Variants in DLGAP1 observed in about 807,000 individuals in gnomAD.
DLGAP1 encodes disks large-associated protein 1.
Under a neutral mutation model 90.8 loss-of-function variants are expected in DLGAP1, and 11 were observed. That is an observed-to-expected ratio of 0.12 (90% confidence interval 0.08 to 0.20). The LOEUF is 0.20. DLGAP1 is among the 10% of genes least tolerant of loss of function. The pLI is 1.00. For missense variants in DLGAP1, 1,050 were observed against 1,333.8 expected (o/e 0.79, Z 3.31); for synonymous variants, 558 against 540.7 (o/e 1.03, Z -0.44).
At chr18:4,375,131 T>C (rs1273451988) in intron 1 of DLGAP1, among the ~76,000 whole-genome samples, 1 of 152,160 alleles carries the variant, frequency 6.6e-6, no homozygotes, top group African/African-American at 2.4e-5. Context: ...TCTTCTTTCT[T>C]CTACCTTTTA....
chr18:3,733,610 A>G (rs752943807), intron 6 of DLGAP1, among the ~76,000 whole-genome samples: 6 of 152,180 alleles, frequency 3.9e-5, no homozygotes, highest in Admixed American at 6.5e-5. Flanking sequence ...CAATGGGTCT[A>G]TCAGGGATGT....
At chr18:4,177,012 C>T (rs1490170428) in intron 1 of DLGAP1, among the ~76,000 whole-genome samples, 2 of 152,136 alleles carry the variant, frequency 1.3e-5, no homozygotes, top group Non-Finnish European at 2.9e-5. Flanking sequence ...GGTGCTGCCC[C>T]AGGTCAGCAG....
At chr18:4,004,631 CT>C (rs2074263821) in intron 3 of DLGAP1, among the ~76,000 whole-genome samples, 1 of 152,172 alleles carries the variant, frequency 6.6e-6, no homozygotes, top group Admixed American at 6.5e-5. Flanking sequence ...CGTCTCTATT[CT>C]ATTAATTTCA....
chr18:3,712,021 G>A (rs1024226776), intron 7 of DLGAP1, among the ~76,000 whole-genome samples: 5 of 152,032 alleles, frequency 3.3e-5, no homozygotes, highest in Admixed American at 2.6e-4. Flanking sequence ...TTTTTGTGAC[G>A]ATCACACTGA....
chr18:3,898,867 T>C (rs1426770187), intron 3 of DLGAP1, among the ~76,000 whole-genome samples: 1 of 151,930 alleles, frequency 6.6e-6, no homozygotes, highest in African/African-American at 2.4e-5. Flanking sequence ...GACATGTACA[T>C]AGGCTGACTA....
At chr18:4,017,404 T>C (rs974141039) in intron 2 of DLGAP1, among the ~76,000 whole-genome samples, 2 of 152,232 alleles carry the variant, frequency 1.3e-5, no homozygotes, top group African/African-American at 4.8e-5. Context: ...CTTCATATCC[T>C]GTTTTCCCTG....
intron 1 of DLGAP1, among the ~76,000 whole-genome samples, chr18:4,301,899 A>AT (rs549300156): frequency 2.0e-5 from 3 of 151,988 alleles, no homozygotes; most frequent in South Asian, 2.1e-4. Flanking sequence ...ATGAAATTGA[A>AT]TTTTTTTTCA....
Position 3,879,865 on chromosome 18 carries a change from G to A in DLGAP1, c.204C>T (p.Ser68=), listed in dbSNP as rs763347008. The change falls in exon 4 of 13, where the codon AGC becomes AGT. Residue 68 remains serine, a synonymous_variant. Transcript: ENST00000315677. The surrounding 1 kb of genome is among the most constrained non-coding windows in gnomAD (Gnocchi z 6.6). ...VGPFSDPLAS[S]TFPRRHYTSQ... ...AGGTGTAGTGCCTGCGGGGGAAGGT[G>A]CTGCTGGCCAGCGGGTCGCTGAAGG... The A allele has an allele frequency of 6.2e-7, 1 of 1,610,536 alleles. No individual in the cohort carries two copies. The highest frequency in any genetic ancestry group is 1.1e-5 in the South Asian group (1 of 91,022).
At chr18:4,261,198 C>T (rs1230818654) in intron 1 of DLGAP1, among the ~76,000 whole-genome samples, 1 of 152,140 alleles carries the variant, frequency 6.6e-6, no homozygotes, top group Admixed American at 6.6e-5. Context: ...AAGGGAATAG[C>T]TGCTGTGCCT....
intron 1 of DLGAP1, among the ~76,000 whole-genome samples, chr18:4,410,497 G>C (rs976185758): frequency 6.6e-6 from 1 of 152,058 alleles, no homozygotes; most frequent in African/African-American, 2.4e-5. Flanking sequence ...CATATATTAA[G>C]TATCCCATTT....
intron 2 of DLGAP1, among the ~76,000 whole-genome samples, chr18:4,076,631 T>C (rs992999160): frequency 6.6e-6 from 1 of 151,864 alleles, no homozygotes; most frequent in Non-Finnish European, 1.5e-5. Context: ...ATTATTATTA[T>C]TATTTTTCTT....
intron 1 of DLGAP1, among the ~76,000 whole-genome samples, chr18:4,162,609 T>A (rs183287599): frequency 1.3e-5 from 2 of 152,212 alleles, no homozygotes; most frequent in Non-Finnish European, 2.9e-5. Context: ...AAAGGTTCTA[T>A]ACCTGATTTT....
At chr18:3,567,070 A>ATCATTCAT (rs57674058) in intron 9 of DLGAP1, among the ~76,000 whole-genome samples, 131 of 151,036 alleles carry the variant, frequency 8.7e-4, no homozygotes, top group South Asian at 7.6e-3. Flanking sequence ...TCATTCATTC[A>ATCATTCAT]TCATTCATTC....
At chr18:4,328,358 T>C (rs963109459) in intron 1 of DLGAP1, among the ~76,000 whole-genome samples, 4 of 151,992 alleles carry the variant, frequency 2.6e-5, no homozygotes, top group African/African-American at 9.7e-5. Context: ...AATGCATCCA[T>C]GTTGTTGTAT....
intron 9 of DLGAP1, among the ~76,000 whole-genome samples, chr18:3,551,833 C>T (rs889507796): frequency 6.7e-6 from 1 of 149,060 alleles, no homozygotes; most frequent in African/African-American, 2.5e-5. Flanking sequence ...GGCTGGAGTG[C>T]AGTGGCACAA....
At chr18:3,874,337 G>A (rs1158451987) in intron 4 of DLGAP1, 5 of 1,518,020 alleles carry the variant, frequency 3.3e-6, no homozygotes, top group East Asian at 2.5e-5. Context: ...CGGAGAGAGC[G>A]TTTTGTTTCC....
At chr18:3,918,638 T>G (rs2072199265) in intron 3 of DLGAP1, among the ~76,000 whole-genome samples, 2 of 152,252 alleles carry the variant, frequency 1.3e-5, no homozygotes, top group South Asian at 4.2e-4. Flanking sequence ...GAAAGAATGG[T>G]TTCTACCTGT....
chr18:3,980,312 C>T (rs919343576), intron 3 of DLGAP1, among the ~76,000 whole-genome samples: 14 of 151,982 alleles, frequency 9.2e-5, no homozygotes, highest in Admixed American at 5.2e-4. Flanking sequence ...TGGGTGGAGG[C>T]GGCAGGACCT....
chr18:4,183,682 C>T (rs371682620), intron 1 of DLGAP1, among the ~76,000 whole-genome samples: 2 of 152,026 alleles, frequency 1.3e-5, no homozygotes, highest in Non-Finnish European at 2.9e-5. Context: ...CTAGAAGCTA[C>T]GAAGAATTAA....
Sources: allele counts gnomAD v4.1 joint callset (sites outside exome capture counted in the v4.1 genomes callset), GRCh38; gene constraint gnomAD v4.1.1; non-coding constraint Gnocchi (gnomAD v3.1); transcripts MANE v1.5; gene names NCBI Gene and HGNC (gene_info 2026-07-23, HGNC 2026-07-21).